Variants in ANKRD11 observed in about 807,000 individuals in gnomAD.
ANKRD11 encodes the protein ankyrin repeat domain-containing protein 11.
In ANKRD11, 17 loss-of-function variants were observed where a neutral mutation model predicts 195.7. That is an observed-to-expected ratio of 0.09 (90% confidence interval 0.06 to 0.13). The LOEUF (loss-of-function observed/expected upper bound fraction) is 0.13, where lower values mean the gene tolerates loss of function less well. Ranked by LOEUF, ANKRD11 falls within the 10% of genes least tolerant of loss-of-function variation. The pLI, the probability that ANKRD11 is intolerant of heterozygous loss-of-function variation, is 1.00. For synonymous variants in ANKRD11, 1,953 were observed against 1,528.1 expected (o/e 1.28, Z -6.49); for missense variants, 3,735 against 3,566.1 (o/e 1.05, Z -1.21).
intron 4 of ANKRD11, among the ~76,000 whole-genome samples, chr16:89,293,153 G>C (rs1483874512): frequency 1.3e-5 from 2 of 152,180 alleles, no homozygotes; most frequent in African/African-American, 4.8e-5. Flanking sequence ...CGCACATTCA[G>C]AGGCCTGCTC....
intron 7 of ANKRD11, 136 bp from the exon 8 acceptor site, chr16:89,286,322 G>T (rs909938500): frequency 3.9e-6 from 5 of 1,288,768 alleles, no homozygotes; most frequent in Non-Finnish European, 5.5e-6. Context: ...GAGGGTGTGG[G>T]AGCCGAGCGC....
chr16:89,340,397 CCT>C (rs2038598704), intron 2 of ANKRD11, among the ~76,000 whole-genome samples: 1 of 152,228 alleles, frequency 6.6e-6, no homozygotes, highest in African/African-American at 2.4e-5. Flanking sequence ...CCTGCAGCCC[CCT>C]GAGTAGCTGA....
At chr16:89,463,973 T>A (rs1469890551) in intron 1 of ANKRD11, among the ~76,000 whole-genome samples, 1 of 152,220 alleles carries the variant, frequency 6.6e-6, no homozygotes, top group Non-Finnish European at 1.5e-5. Flanking sequence ...GCACAGTGGT[T>A]CACACCTGTA....
intron 2 of ANKRD11, among the ~76,000 whole-genome samples, chr16:89,345,224 C>T (rs893225085): frequency 3.9e-5 from 6 of 151,980 alleles, no homozygotes; most frequent in African/African-American, 1.2e-4. Flanking sequence ...AAAAATGGAG[C>T]GGCAAAAAAA....
chr16:89,313,045 A>G (rs1198514012), intron 3 of ANKRD11, among the ~76,000 whole-genome samples: 2 of 151,986 alleles, frequency 1.3e-5, no homozygotes, highest in Non-Finnish European at 1.5e-5. Flanking sequence ...ATGCCCATGG[A>G]CGCCATCTCC....
At chr16:89,302,558 T>A (rs1192465140) in intron 4 of ANKRD11, among the ~76,000 whole-genome samples, 2 of 152,148 alleles carry the variant, frequency 1.3e-5, no homozygotes, top group Non-Finnish European at 2.9e-5. Context: ...GCTGTGGACT[T>A]GCTACTTTAA....
At chr16:89,302,651 G>C (rs1361347444) in intron 4 of ANKRD11, among the ~76,000 whole-genome samples, 1 of 152,176 alleles carries the variant, frequency 6.6e-6, no homozygotes, top group African/African-American at 2.4e-5. Flanking sequence ...AGGAAATCTA[G>C]TTTTGCAACA....
intron 4 of ANKRD11, chr16:89,300,363 C>A: frequency 5.0e-6 from 1 of 200,770 alleles, no homozygotes; most frequent in Non-Finnish European, 1.0e-5. Context: ...ACACACTGAG[C>A]TGAGGCCACT....
chr16:89,433,564 G>C (rs1427125834), intron 1 of ANKRD11, among the ~76,000 whole-genome samples: 1 of 152,246 alleles, frequency 6.6e-6, no homozygotes, highest in Non-Finnish European at 1.5e-5. Context: ...GAGAAGAACA[G>C]GGTTGGACGT....
chr16:89,290,016 C>G (rs984435584), intron 6 of ANKRD11, among the ~76,000 whole-genome samples: 1 of 152,214 alleles, frequency 6.6e-6, no homozygotes, highest in African/African-American at 2.4e-5. Flanking sequence ...AGCAACAGAG[C>G]GAGACCCTAT....
chr16:89,274,513 G>C (rs2033469608), intron 11 of ANKRD11, among the ~76,000 whole-genome samples: 1 of 152,242 alleles, frequency 6.6e-6, no homozygotes, highest in South Asian at 2.1e-4. Flanking sequence ...GTGAGAGGTA[G>C]GTAGGGGCAG....
At chr16:89,484,079 G>A (rs188376623) in intron 1 of ANKRD11, among the ~76,000 whole-genome samples, 29 of 152,312 alleles carry the variant, frequency 1.9e-4, no homozygotes. Context: ...CTGCCTGAAA[G>A]CTGGATTTCT....
chr16:89,410,991 C>A (rs939751493), intron 2 of ANKRD11, among the ~76,000 whole-genome samples: 46 of 152,248 alleles, frequency 3.0e-4, no homozygotes, highest in Non-Finnish European at 5.9e-5. Context: ...CAGGCGCTTT[C>A]CTGAAAGCTG....
intron 1 of ANKRD11, among the ~76,000 whole-genome samples, chr16:89,433,358 T>A (rs1323297956): frequency 6.6e-6 from 1 of 152,224 alleles, no homozygotes; most frequent in Non-Finnish European, 1.5e-5. Context: ...GTCCGTTGTC[T>A]CCTCTGCAGA....
intron 2 of ANKRD11, among the ~76,000 whole-genome samples, chr16:89,388,355 C>G (rs1352187152): frequency 7.6e-6 from 1 of 131,216 alleles, no homozygotes; most frequent in East Asian, 2.6e-4. Context: ...TGGTCTTGAA[C>G]TCCTGACCTC....
intron 1 of ANKRD11, among the ~76,000 whole-genome samples, chr16:89,424,323 C>T (rs1394004285): frequency 6.6e-6 from 1 of 152,048 alleles, no homozygotes; most frequent in Non-Finnish European, 1.5e-5. Context: ...TGCCTGTAAT[C>T]CCAGCTACTC....
chr16:89,384,770 C>G lies in ANKRD11; in HGVS notation c.-60+33514G>C, dbSNP rs190016159. ...TATTTTTGGCAACCTGTATTTAGCA[C>G]CTACAGAAAAAGCAGGCCCACTAGA... is the stretch of plus-strand genomic sequence containing the variant. On this transcript the variant is annotated intron_variant, in intron 2 of 12. Transcript: ENST00000301030. Among the ~76,000 whole-genome samples, 7 of 151,968 alleles carry G rather than the reference C, an allele frequency of 4.6e-5. No individual in the cohort carries two copies. In the East Asian group the frequency reaches 1.2e-3, roughly 25 times the overall value.
At chr16:89,374,455 T>A (rs539040764) in intron 2 of ANKRD11, among the ~76,000 whole-genome samples, 104 of 152,066 alleles carry the variant, frequency 6.8e-4, no homozygotes, top group Non-Finnish European at 1.0e-3. Context: ...CAGAAAAGCC[T>A]AAAATACCAC....
chr16:89,476,812 A>AT (rs1234857198), intron 1 of ANKRD11, among the ~76,000 whole-genome samples: 1 of 149,748 alleles, frequency 6.7e-6, no homozygotes, highest in Non-Finnish European at 1.5e-5. Flanking sequence ...TCTCAGAGGC[A>AT]TGATGAGAGC....
Sources: allele counts gnomAD v4.1 joint callset (sites outside exome capture counted in the v4.1 genomes callset), GRCh38; gene constraint gnomAD v4.1.1; transcripts MANE v1.5; gene names NCBI Gene and HGNC (gene_info 2026-07-23, HGNC 2026-07-21).